The following COL2A1 variants were observed in gnomAD, a reference collection of about 807,000 sequenced individuals.
COL2A1 encodes collagen alpha-1(II) chain.
COL2A1 carries 28 observed loss-of-function variants against 204.5 expected under a neutral mutation model. The observed-to-expected ratio is 0.14, with a 90% CI of 0.10 to 0.19. The LOEUF is 0.19. Among genes scored for constraint, COL2A1 ranks in the 10% least tolerant of loss-of-function variants. COL2A1 has a pLI of 1.00. For synonymous variants in COL2A1, 708 were observed against 718.7 expected (o/e 0.99, Z 0.24); for missense variants, 1,388 against 2,027.5 (o/e 0.68, Z 6.06).
At chr12:47,997,416 G>C (rs567651570) in intron 7 of COL2A1, among the ~76,000 whole-genome samples, 190 bp downstream of exon 7, 1 of 152,202 alleles carries the variant, frequency 6.6e-6, no homozygotes, top group Non-Finnish European at 1.5e-5. Flanking sequence ...AAAAAAGCCA[G>C]CCCTTAGCAC....
At chr12:47,994,166 C>A (rs567723701) in intron 12 of COL2A1, 119 bp from the exon 13 acceptor site, 31 of 1,180,866 alleles carry the variant, frequency 2.6e-5, no homozygotes, top group Non-Finnish European at 3.6e-5. Context: ...CGAATCCCCA[C>A]ACTTGGACAG....
intron 7 of COL2A1, 124 bp downstream of exon 7, chr12:47,997,482 C>T: frequency 1.3e-6 from 2 of 1,551,316 alleles, no homozygotes; most frequent in Non-Finnish European, 1.8e-6. Context: ...AGGGCAAAGC[C>T]CATGGACAGG....
Position 47,999,933 on chromosome 12 carries a change from A to G in COL2A1, c.278T>C (p.Leu93Pro). ...TAAATTACAACCACTGGCAGTGGCG[A>G]GGTCAGTTGGGCAGATGGGGCAGCA... ...GECCPICPTDLATASGQPGPK... is the reference protein window; with the variant it reads ...GECCPICPTDPATASGQPGPK... The change falls in exon 2 of 54, where the codon CTC becomes CCC. Residue 93 changes from leucine (L) to proline (P), a missense_variant. Physicochemically the swap from Leu to Pro is moderately conservative, Grantham distance 98. Around this residue, in one of 3 missense-constraint regions of COL2A1, gnomAD observed 201 missense variants for 242.4 expected, o/e 0.83. Coordinates refer to ENST00000380518, the MANE Select transcript of COL2A1 (RefSeq NM_001844.5). 6.2e-7 allele frequency: 1 copy of G among 1,614,036 alleles called. No homozygotes were observed. The highest frequency in any genetic ancestry group is 8.5e-7 in the Non-Finnish European group (1 of 1,179,894).
intron 10 of COL2A1, 45 bp from the exon 11 acceptor site, chr12:47,995,353 G>T (rs1939904941): frequency 6.6e-7 from 1 of 1,521,870 alleles, no homozygotes; most frequent in Non-Finnish European, 9.1e-7. Context: ...ATAGTGGGAA[G>T]ACACCTAAGC....
Position 47,985,984 on chromosome 12 carries a change from G to A in COL2A1, c.1528-19C>T. ...GAGCACCCTAAGGAGCCACAGGGAG[G>A]AGAGGCAGTGAGTGAGAACAGCCCC... is the stretch of plus-strand genomic sequence containing the variant. On this transcript the variant is annotated intron_variant, in intron 23 of 53. Transcript: ENST00000380518. 6.4e-7 allele frequency: 1 copy of A among 1,551,348 alleles called. No individual in the cohort carries two copies. The highest frequency in any genetic ancestry group is 8.7e-7 in the Non-Finnish European group (1 of 1,146,882).
intron 28 of COL2A1, 140 bp from the exon 29 acceptor site, chr12:47,984,280 C>A (rs1276428624): frequency 3.7e-6 from 3 of 820,310 alleles, no homozygotes; most frequent in Non-Finnish European, 6.2e-6. Context: ...TCCACACCTT[C>A]CCCTCCCTTC....
intron 14 of COL2A1, 23 bp downstream of exon 14, chr12:47,993,786 C>T: frequency 1.2e-6 from 2 of 1,613,516 alleles, no homozygotes; most frequent in Admixed American, 1.7e-5. Context: ...CTCCCCATCC[C>T]ATTGTACTTT....
chr12:47,993,597 C>T (rs1222119393), intron 14 of COL2A1, 95 bp from the exon 15 acceptor site: 2 of 1,211,604 alleles, frequency 1.7e-6, no homozygotes, highest in East Asian at 4.7e-5. Flanking sequence ...GTCATCTCAG[C>T]TCGCACTGAC....
In COL2A1 at chr12:47,976,974, C is replaced by A. The variant is rs985348940; in HGVS notation, c.3328-55G>T. On this transcript the variant is annotated intron_variant, in intron 47 of 53. Transcript: ENST00000380518. This position sits in a 1 kb window ranked among gnomAD's most constrained non-coding sequence, Gnocchi z 4.3. ...AGGTCAGGGCCAGGACAGGAGCCCC[C>A]TCCTGTCCCACCCAAGCTGAGGAAT... 6.5e-6 allele frequency: 10 copies of A among 1,542,764 alleles called. No individual in the cohort carries two copies. The Middle Eastern group carries it at 6.7e-4, about 103-fold the overall frequency.
intron 1 of COL2A1, among the ~76,000 whole-genome samples, chr12:48,002,028 G>T (rs1175006329): frequency 6.6e-6 from 1 of 152,178 alleles, no homozygotes; most frequent in Non-Finnish European, 1.5e-5. Context: ...TGGGAGAGGG[G>T]GTCTGGGAGT....
In COL2A1 at chr12:47,975,599, G is replaced by T. The variant is rs1239785870; in HGVS notation, c.3604C>A (p.Pro1202Thr). The change falls in exon 51 of 54, where the codon CCT (proline) becomes ACT (threonine). Residue 1202 changes from proline (P) to threonine (T), a missense_variant. Pro to Thr is a conservative substitution (Grantham distance 38). Coordinates refer to ENST00000380518, the MANE Select transcript of COL2A1 (RefSeq NM_001844.5). Reference sequence around the variant, plus strand: ...GGACCAGGGGGTCCAGGATTTCCAGGAGGACCCTGCAGCAGGAAACAGAGA... The same window carrying T: ...GGACCAGGGGGTCCAGGATTTCCAGTAGGACCCTGCAGCAGGAAACAGAGA... ...RSGETGPAGP[P>T]GNPGPPGPPG... is the part of the protein sequence containing the mutation. 1 of 1,600,074 alleles carries T rather than the reference G, an allele frequency of 6.2e-7. No homozygotes were observed. The highest frequency in any genetic ancestry group is 1.7e-5 in the Admixed American group (1 of 59,994).
chr12:47,981,475 G>A lies in COL2A1; in HGVS notation c.2410-79C>T, dbSNP rs79231959. ...GGGAGAGGGCAAAGTGCATTTGGGG[G>A]GCCTTGCTCGTGGGAAGGGGGCTCC... On this transcript the variant is annotated intron_variant, in intron 36 of 53. Coordinates refer to ENST00000380518, the MANE Select transcript of COL2A1 (RefSeq NM_001844.5). The A allele has an allele frequency of 1.1e-5, 14 of 1,328,650 alleles. No homozygotes were observed. In the African/African-American group the frequency reaches 1.4e-4, roughly 14 times the overall value. 82.3% of individuals were successfully genotyped at this position (1,328,650 alleles called of 1,614,324 possible). A position where few individuals can be genotyped will look rare whatever the true frequency, so the allele number is the denominator to read the frequency against.
Position 47,974,799 on chromosome 12 carries a change from ATGT to A in COL2A1, c.3947_3949del (p.Asn1316del), listed in dbSNP as rs759960553. On this transcript the variant is annotated inframe_deletion, in exon 52 of 54. Coordinates refer to ENST00000380518, the MANE Select transcript of COL2A1 (RefSeq NM_001844.5). ...GTAGACGCAAGTCTCGCCAGTCTCC[ATGT>A]TGCAGAAAACCTTCATGGCGTCCAA... The A allele has an allele frequency of 6.2e-7, 1 of 1,614,200 alleles. No individual in the cohort carries two copies. The highest frequency in any genetic ancestry group is 1.1e-5 in the South Asian group (1 of 91,082).
In COL2A1 at chr12:47,975,202, G is replaced by A. The variant is rs1166837364; in HGVS notation, c.3886+115C>T. The A allele has an allele frequency of 2.8e-5, 38 of 1,344,896 alleles. No individual in the cohort carries two copies. In the East Asian group the frequency reaches 3.5e-4, roughly 12 times the overall value. 83.3% of individuals were successfully genotyped at this position (1,344,896 alleles called of 1,614,324 possible). ...TGAAATAAGAGAGGAACCCTCTGGCGGAAACTTCCAGGCCCAGCTCTGCCC... is the reference window on the plus strand; with the variant it reads ...TGAAATAAGAGAGGAACCCTCTGGCAGAAACTTCCAGGCCCAGCTCTGCCC... On this transcript the variant is annotated intron_variant, in intron 51 of 53. Coordinates refer to ENST00000380518, the MANE Select transcript of COL2A1 (RefSeq NM_001844.5).
In COL2A1 at chr12:47,978,452, C is replaced by A. The variant is rs1938852903; in HGVS notation, c.2896-54G>T. 6.3e-7 allele frequency: 1 copy of A among 1,590,992 alleles called. No individual in the cohort carries two copies. The highest frequency in any genetic ancestry group is 1.7e-5 in the Admixed American group (1 of 58,186). ...CTGACAGTGGCCCAGCCTCTTCTGTCCTCTCAGCACAGCTCTGTCTGTGCA... is the reference window on the plus strand; with the variant it reads ...CTGACAGTGGCCCAGCCTCTTCTGTACTCTCAGCACAGCTCTGTCTGTGCA... On this transcript the variant is annotated intron_variant, in intron 42 of 53. Transcript: ENST00000380518. This position sits in a 1 kb window ranked among gnomAD's most constrained non-coding sequence, Gnocchi z 5.5.
At position 47,976,179 on chromosome 12, in the gene COL2A1, A is replaced by G; in HGVS notation, c.3490-109T>C. The G allele has an allele frequency of 1.2e-6, 1 of 811,182 alleles. No homozygotes were observed. Among genetic ancestry groups the G allele is most frequent in the East Asian group, 2.5e-5 (1 of 40,662 alleles). The allele number at this position is 811,182 out of a possible 1,614,324, so 50.2% of individuals were successfully genotyped here. Reference sequence around the variant, plus strand: ...TGATAGCACCAGCCACTCCGCCCCCAGTTCTTCACATGCTCAGTCATGGAA... The same window carrying G: ...TGATAGCACCAGCCACTCCGCCCCCGGTTCTTCACATGCTCAGTCATGGAA... On this transcript the variant is annotated intron_variant, in intron 49 of 53. Coordinates refer to ENST00000380518, the MANE Select transcript of COL2A1 (RefSeq NM_001844.5). This position sits in a 1 kb window ranked among gnomAD's most constrained non-coding sequence, Gnocchi z 4.3.
chr12:47,978,648 A>G lies in COL2A1; in HGVS notation c.2844T>C (p.Gly948=). 6.2e-7 allele frequency: 1 copy of G among 1,613,332 alleles called. No individual in the cohort carries two copies. The highest frequency in any genetic ancestry group is 2.2e-5 in the East Asian group (1 of 44,882). Residue 948 remains glycine, a synonymous_variant, in exon 42 of 54, where the codon GGT becomes GGC. Coordinates refer to ENST00000380518, the MANE Select transcript of COL2A1 (RefSeq NM_001844.5). The surrounding 1 kb of genome is among the most constrained non-coding windows in gnomAD (Gnocchi z 5.5). Reference sequence around the variant, plus strand: ...CCTTCTCGCCAGGGGGTCCAGCAGGACCTTGGAGGCCGGGTTCACCAGCTC... The same window carrying G: ...CCTTCTCGCCAGGGGGTCCAGCAGGGCCTTGGAGGCCGGGTTCACCAGCTC... ...PGRAGEPGLQ[G]PAGPPGEKGE...
At position 47,976,137 on chromosome 12, in the gene COL2A1, T is replaced by C. The variant is rs1385718913; in HGVS notation, c.3490-67A>G. Reference sequence around the variant, plus strand: ...GGGAAGGCTGGGGAGTCGCTGGGGCTGGGTAGGTGGCTGTCCTGATAGCAC... The same window carrying C: ...GGGAAGGCTGGGGAGTCGCTGGGGCCGGGTAGGTGGCTGTCCTGATAGCAC... On this transcript the variant is annotated intron_variant, in intron 49 of 53. Coordinates refer to ENST00000380518, the MANE Select transcript of COL2A1 (RefSeq NM_001844.5). The surrounding 1 kb of genome is among the most constrained non-coding windows in gnomAD (Gnocchi z 4.3). 3.5e-5 allele frequency: 40 copies of C among 1,150,876 alleles called. No homozygotes were observed. Among genetic ancestry groups the C allele is most frequent in the Non-Finnish European group, 4.9e-5 (37 of 758,122 alleles). The allele number at this position is 1,150,876 out of a possible 1,614,324, so 71.3% of individuals were successfully genotyped here.
intron 9 of COL2A1, 37 bp downstream of exon 9, chr12:47,995,838 C>A: frequency 6.2e-7 from 1 of 1,609,200 alleles, no homozygotes. Flanking sequence ...GAATCATCTG[C>A]GACACGATGG....
Sources: gnomAD v4.1 joint callset for allele counts (sites outside exome capture counted in the v4.1 genomes callset) on GRCh38, gnomAD v4.1.1 for gene constraint, gnomAD v4.1.1 regional missense constraint, Gnocchi (gnomAD v3.1) non-coding constraint, MANE v1.5 for transcripts, NCBI Gene and HGNC (gene_info 2026-07-23, HGNC 2026-07-21) for gene names.